KIRREL3: variants seen among roughly 807,000 people sequenced by gnomAD.
The protein encoded by KIRREL3 is kin of IRRE-like protein 3.
A neutral mutation model predicts 89.7 loss-of-function variants in KIRREL3; 36 were observed. That is an observed-to-expected ratio of 0.40 (90% confidence interval 0.31 to 0.53). The LOEUF is 0.53. KIRREL3 is among the 20% of genes least tolerant of loss of function. The pLI, the probability that KIRREL3 is intolerant of heterozygous loss-of-function variation, is 0.49. For missense variants in KIRREL3, 864 were observed against 1,056.6 expected, an observed-to-expected ratio of 0.82 and a Z score of 2.53; for synonymous variants, 445 against 441.4, an observed-to-expected ratio of 1.01 and a Z score of -0.10.
chr11:126,440,513 G>T lies in KIRREL3; in HGVS notation c.1289C>A (p.Ala430Asp). 6.2e-7 allele frequency: 1 copy of T among 1,602,336 alleles called. No individual in the cohort carries two copies. Among genetic ancestry groups the T allele is most frequent in the Non-Finnish European group, 8.5e-7 (1 of 1,175,002 alleles). Residue 430 changes from alanine (A) to aspartate (D), a missense_variant, in exon 11 of 17, where the codon GCC becomes GAC. Ala to Asp is a moderately radical substitution (Grantham distance 126). Coordinates refer to ENST00000525144, the MANE Select transcript of KIRREL3 (RefSeq NM_032531.4). ...PIISSTQTQH[A>D]LHGEKGQIKC... ...GATCTGGCCCTTCTCGCCGTGGAGG[G>T]CGTGCTGGGTCTGGGTGCTGGAGAT...
At chr11:126,809,039 A>G (rs1438592253) in intron 1 of KIRREL3, among the ~76,000 whole-genome samples, 1 of 152,230 alleles carries the variant, frequency 6.6e-6, no homozygotes, top group Admixed American at 6.5e-5. Context: ...GCAAGGAGCC[A>G]GCCCTTGTGT....
chr11:126,503,422 T>C (rs532617913), intron 4 of KIRREL3, among the ~76,000 whole-genome samples: 2 of 152,192 alleles, frequency 1.3e-5, no homozygotes, highest in Admixed American at 6.5e-5. Context: ...ACGAATGGGT[T>C]TCATTTGTTG....
rs942199163 is a variant in KIRREL3, at chr11:126,428,647, TTTG to T, written c.1806+529_1806+531del. Reference sequence around the variant, plus strand: ...GGCTCTCTGAAGGGTAGACTGCATTTTTGTTGTTGTTGTTGTTTTGAGATGGAG... The same window carrying T: ...GGCTCTCTGAAGGGTAGACTGCATTTTTGTTGTTGTTGTTTTGAGATGGAG... On this transcript the variant is annotated intron_variant, in intron 15 of 16. Transcript: ENST00000525144. This position sits in a 1 kb window ranked among gnomAD's most constrained non-coding sequence, Gnocchi z 6.4. Among the ~76,000 whole-genome samples, 8 of 152,006 alleles carry T rather than the reference TTTG, an allele frequency of 5.3e-5. No individual in the cohort carries two copies. Among genetic ancestry groups the T allele is most frequent in the African/African-American group, 9.7e-5 (4 of 41,362 alleles).
rs549745642 is a variant in KIRREL3, at chr11:126,914,710, C to T, written c.55+85745G>A. On this transcript the variant is annotated intron_variant, in intron 1 of 16. Transcript: ENST00000525144. The stretch of plus-strand genomic sequence containing the variant: ...TCTGCCGGAGGCAAAGATGCTGAGA[C>T]TTTCACTTTCATGTTTGAATGAAAA... Among the ~76,000 whole-genome samples, 4 of 152,338 alleles carry T rather than the reference C, an allele frequency of 2.6e-5. No individual in the cohort carries two copies. In the East Asian group the frequency reaches 7.7e-4, roughly 29 times the overall value.
chr11:126,560,584 G>A (rs538228065), intron 2 of KIRREL3, among the ~76,000 whole-genome samples: 4 of 152,278 alleles, frequency 2.6e-5, no homozygotes, highest in Admixed American at 1.3e-4. Flanking sequence ...GAGGAGGGAG[G>A]AGTGGAGAGA....
chr11:126,438,161 G>T (rs553172362), intron 11 of KIRREL3, among the ~76,000 whole-genome samples: 2 of 152,376 alleles, frequency 1.3e-5, no homozygotes, highest in South Asian at 4.1e-4. Context: ...GTGGCTGCCT[G>T]GGTGGGTGTG....
intron 4 of KIRREL3, among the ~76,000 whole-genome samples, chr11:126,499,151 C>CAAA (rs33937623): frequency 0.42 from 54,254 of 128,850 alleles, 12,515 homozygotes; most frequent in East Asian, 0.79. Flanking sequence ...GACTCCGTTT[C>CAAA]AAAAAAAAAA....
At position 126,574,494 on chromosome 11, in the gene KIRREL3, C is replaced by T. The variant is rs377141186; in HGVS notation, c.56-11582G>A. ...GCCACCAGCCATCACTCAATAAGAA[C>T]ATGAAAGTTTATTTACCACGAGGCC... On this transcript the variant is annotated intron_variant, in intron 1 of 16. Coordinates refer to ENST00000525144, the MANE Select transcript of KIRREL3 (RefSeq NM_032531.4). The surrounding 1 kb of genome is among the most constrained non-coding windows in gnomAD (Gnocchi z 5.3). Among the ~76,000 whole-genome samples the T allele has an allele frequency of 4.2e-4, 64 of 152,310 alleles. No individual in the cohort carries two copies. Among genetic ancestry groups the T allele is most frequent in the Middle Eastern group, 6.8e-3 (2 of 294 alleles).
rs940991213 is a variant in KIRREL3, at chr11:126,609,735, G to T, written c.56-46823C>A. Among the ~76,000 whole-genome samples the T allele has an allele frequency of 1.3e-5, 2 of 152,160 alleles. No individual in the cohort carries two copies. Among genetic ancestry groups the T allele is most frequent in the South Asian group, 4.1e-4 (2 of 4,828 alleles). Reference sequence around the variant, plus strand: ...ACAACCAGAGATTCCAGATTAATCGGTATGGGGGTGTGGCTACAAGGTTTC... The same window carrying T: ...ACAACCAGAGATTCCAGATTAATCGTTATGGGGGTGTGGCTACAAGGTTTC... On this transcript the variant is annotated intron_variant, in intron 1 of 16. Coordinates refer to ENST00000525144, the MANE Select transcript of KIRREL3 (RefSeq NM_032531.4). This position sits in a 1 kb window ranked among gnomAD's most constrained non-coding sequence, Gnocchi z 5.0.
chr11:126,822,549 G>C (rs1216769940), intron 1 of KIRREL3, among the ~76,000 whole-genome samples: 1 of 152,156 alleles, frequency 6.6e-6, no homozygotes, highest in Non-Finnish European at 1.5e-5. Flanking sequence ...ATATAGTATT[G>C]AGGTTTTCCT....
chr11:126,652,789 C>T lies in KIRREL3; in HGVS notation c.56-89877G>A, dbSNP rs1307491389. 2.6e-5 allele frequency: 4 copies of T among 152,134 alleles called. No homozygotes were observed. The highest frequency in any genetic ancestry group is 9.7e-5 in the African/African-American group (4 of 41,416). The allele number at this position is 152,134 out of a possible 1,614,324, so 9.4% of individuals were successfully genotyped here. A position where few individuals can be genotyped will look rare whatever the true frequency, so the allele number is the denominator to read the frequency against. On this transcript the variant is annotated intron_variant, in intron 1 of 16. Coordinates refer to ENST00000525144, the MANE Select transcript of KIRREL3 (RefSeq NM_032531.4). The surrounding 1 kb of genome is among the most constrained non-coding windows in gnomAD (Gnocchi z 4.9). ...AGATTTTCACTTTCCAGGCAATTCA[C>T]CAGGACAGAGGCCTTTCAACTTTCC...
chr11:126,925,851 G>A (rs1947691961), intron 1 of KIRREL3, among the ~76,000 whole-genome samples: 1 of 152,210 alleles, frequency 6.6e-6, no homozygotes, highest in African/African-American at 2.4e-5. Context: ...CATGTCCCCA[G>A]GCACTCCTTC....
At chr11:126,986,152 C>T (rs1949860669) in intron 1 of KIRREL3, among the ~76,000 whole-genome samples, 2 of 152,108 alleles carry the variant, frequency 1.3e-5, no homozygotes, top group Non-Finnish European at 2.9e-5. Flanking sequence ...TGGCTGGCTC[C>T]CCCCAAGCCC....
At chr11:126,728,382 G>A (rs1434740638) in intron 1 of KIRREL3, among the ~76,000 whole-genome samples, 1 of 152,120 alleles carries the variant, frequency 6.6e-6, no homozygotes, top group Non-Finnish European at 1.5e-5. Context: ...ATGAGAGTGT[G>A]TGTCCCACCT....
At chr11:126,698,369 T>C (rs1947181958) in intron 1 of KIRREL3, among the ~76,000 whole-genome samples, 1 of 152,142 alleles carries the variant, frequency 6.6e-6, no homozygotes, top group South Asian at 2.1e-4. Context: ...GACTCTATTT[T>C]AAAAAGTTGT....
At chr11:126,509,207 G>A (rs1380867857) in intron 4 of KIRREL3, among the ~76,000 whole-genome samples, 1 of 152,112 alleles carries the variant, frequency 6.6e-6, no homozygotes, top group African/African-American at 2.4e-5. Flanking sequence ...ATCATTTCAT[G>A]GGATATACCT....
In KIRREL3 at chr11:126,979,293, G is replaced by A. The variant is rs888375624; in HGVS notation, c.55+21162C>T. Among the ~76,000 whole-genome samples the A allele has an allele frequency of 7.9e-5, 12 of 152,120 alleles. No homozygotes were observed. In the South Asian group the frequency reaches 8.3e-4, roughly 11 times the overall value. ...TATTTTACATATAAATCAGCTAATC[G>A]GTTTAACATTCATATTAAAGTTGTA... is the stretch of plus-strand genomic sequence containing the variant. On this transcript the variant is annotated intron_variant, in intron 1 of 16. Coordinates refer to ENST00000525144, the MANE Select transcript of KIRREL3 (RefSeq NM_032531.4).
intron 5 of KIRREL3, among the ~76,000 whole-genome samples, chr11:126,468,380 C>T (rs1351235926): frequency 6.6e-6 from 1 of 152,266 alleles, no homozygotes; most frequent in Non-Finnish European, 1.5e-5. Context: ...CCGCTGGGAG[C>T]CTGCAGTGGG....
intron 2 of KIRREL3, chr11:126,549,659 GAT>G (rs1416007017): frequency 6.6e-6 from 1 of 152,332 alleles, no homozygotes; most frequent in Non-Finnish European, 1.5e-5. Context: ...GCTGGCTGGG[GAT>G]GGAAGGAAGA....
Sources: allele counts gnomAD v4.1 joint callset (sites outside exome capture counted in the v4.1 genomes callset), GRCh38; gene constraint gnomAD v4.1.1; non-coding constraint Gnocchi (gnomAD v3.1); transcripts MANE v1.5; gene names NCBI Gene and HGNC (gene_info 2026-07-23, HGNC 2026-07-21).